EXOC6B: variants seen among roughly 807,000 people sequenced by gnomAD.
EXOC6B encodes exocyst complex component 6B.
A neutral mutation model predicts 113.5 loss-of-function variants in EXOC6B; 54 were observed. The observed-to-expected ratio is 0.48, with a 90% CI of 0.38 to 0.60. The LOEUF (loss-of-function observed/expected upper bound fraction) is 0.60, where lower values mean the gene tolerates loss of function less well. Among genes scored for constraint, EXOC6B ranks in the 20% least tolerant of loss-of-function variants. The pLI is 0.00. For missense variants in EXOC6B, 797 were observed against 977.5 expected (o/e 0.82, Z 2.46); for synonymous variants, 357 against 339.0 (o/e 1.05, Z -0.58).
intron 2 of EXOC6B, among the ~76,000 whole-genome samples, chr2:72,736,326 C>T (rs1303705888): frequency 1.3e-5 from 2 of 151,824 alleles, no homozygotes; most frequent in South Asian, 2.1e-4. Flanking sequence ...TCTTAGAGTA[C>T]GATTTCTTTT....
At chr2:72,456,575 A>G (rs997027124) in intron 18 of EXOC6B, among the ~76,000 whole-genome samples, 8 of 152,174 alleles carry the variant, frequency 5.3e-5, no homozygotes, top group Non-Finnish European at 8.8e-5. Context: ...TTTTAAGTCA[A>G]ATAAATTTGT....
chr2:72,470,850 T>C (rs1221521668), intron 17 of EXOC6B, among the ~76,000 whole-genome samples: 1 of 152,184 alleles, frequency 6.6e-6, no homozygotes, highest in Non-Finnish European at 1.5e-5. Flanking sequence ...CCAACTTTTC[T>C]TGATCCAGTC....
intron 1 of EXOC6B, among the ~76,000 whole-genome samples, chr2:72,791,331 C>T (rs1434905346): frequency 6.6e-6 from 1 of 152,118 alleles, no homozygotes; most frequent in Non-Finnish European, 1.5e-5. Flanking sequence ...ACCACTTGAG[C>T]TGTGGAGTTC....
chr2:72,263,201 T>A (rs1375398164), intron 20 of EXOC6B: 1 of 152,142 alleles, frequency 6.6e-6, no homozygotes, highest in Non-Finnish European at 1.5e-5. Context: ...AGGTTAACAA[T>A]AGGATAGTAG....
chr2:72,450,859 A>G (rs1365077190), intron 18 of EXOC6B, among the ~76,000 whole-genome samples: 1 of 152,206 alleles, frequency 6.6e-6, no homozygotes, highest in African/African-American at 2.4e-5. Flanking sequence ...TTGAAGCCAT[A>G]AACCTTATGC....
chr2:72,241,958 G>T (rs1241645912), intron 20 of EXOC6B, among the ~76,000 whole-genome samples: 1 of 152,122 alleles, frequency 6.6e-6, no homozygotes, highest in Non-Finnish European at 1.5e-5. Flanking sequence ...TGTAATCCCA[G>T]CACTTTGGGA....
chr2:72,386,235 A>C lies in EXOC6B; in HGVS notation c.1981-6365T>G, dbSNP rs534498444. 3.5e-4 allele frequency among the ~76,000 whole-genome samples: 54 copies of C among 152,276 alleles called. No individual in the cohort carries two copies. The South Asian group carries it at 0.011, about 32-fold the overall frequency. On this transcript the variant is annotated intron_variant, in intron 18 of 21. Transcript: ENST00000272427. ...AGCAAAAAAAAAAATGATGTAAAAC[A>C]GGAACTTATATTTAAAAGAGAAGCA...
intron 20 of EXOC6B, among the ~76,000 whole-genome samples, chr2:72,305,510 T>C (rs1686801657): frequency 6.6e-6 from 1 of 152,118 alleles, no homozygotes; most frequent in South Asian, 2.1e-4. Context: ...TAAAATTGTA[T>C]AATCAAATTA....
intron 17 of EXOC6B, among the ~76,000 whole-genome samples, chr2:72,479,951 C>A (rs988743495): frequency 6.6e-6 from 1 of 151,996 alleles, no homozygotes; most frequent in African/African-American, 2.4e-5. Flanking sequence ...GCCCGCAATC[C>A]CAGCATTTTG....
At chr2:72,362,069 G>C (rs1005633749) in intron 19 of EXOC6B, among the ~76,000 whole-genome samples, 2 of 152,180 alleles carry the variant, frequency 1.3e-5, no homozygotes, top group African/African-American at 4.8e-5. Context: ...GGTTATTATG[G>C]TAAGAATGGT....
At chr2:72,736,033 A>T (rs1038720265) in intron 2 of EXOC6B, among the ~76,000 whole-genome samples, 3 of 151,866 alleles carry the variant, frequency 2.0e-5, no homozygotes, top group African/African-American at 7.3e-5. Flanking sequence ...AAATACAAAA[A>T]TTAGCTGGGC....
At chr2:72,234,083 CTTTT>C (rs34660222) in intron 20 of EXOC6B, among the ~76,000 whole-genome samples, 3 of 131,910 alleles carry the variant, frequency 2.3e-5, no homozygotes, top group African/African-American at 8.9e-5. Flanking sequence ...TGGACCGCCT[CTTTT>C]TTTTTTTTTT....
At chr2:72,592,918 G>C (rs1400703692) in intron 6 of EXOC6B, among the ~76,000 whole-genome samples, 2 of 152,114 alleles carry the variant, frequency 1.3e-5, no homozygotes, top group Non-Finnish European at 2.9e-5. Context: ...CTGGTTACTA[G>C]AGGAATCAAC....
chr2:72,515,145 A>G lies in EXOC6B; in HGVS notation c.916-19T>C. ...GGGCACCCTGTAAATAAAGAAAAGA[A>G]AATGGGTTGACACAATTGGACCAAT... is the stretch of plus-strand genomic sequence containing the variant. On this transcript the variant is annotated intron_variant, in intron 8 of 21. Transcript: ENST00000272427. 6.3e-7 allele frequency: 1 copy of G among 1,575,930 alleles called. No individual in the cohort carries two copies. Among genetic ancestry groups the G allele is most frequent in the South Asian group, 1.2e-5 (1 of 85,934 alleles).
intron 10 of EXOC6B, 74 bp from the exon 11 acceptor site, chr2:72,513,326 C>T (rs966718550): frequency 3.2e-6 from 5 of 1,540,818 alleles, no homozygotes; most frequent in Non-Finnish European, 4.4e-6. Context: ...GTTTGACAAG[C>T]ATTAAGAGAT....
chr2:72,414,450 G>A (rs1427634169), intron 18 of EXOC6B, among the ~76,000 whole-genome samples: 2 of 151,450 alleles, frequency 1.3e-5, no homozygotes, highest in Non-Finnish European at 2.9e-5. Context: ...TATCCACAAC[G>A]GAAAAAAAAA....
chr2:72,185,874 T>C (rs1678398337), intron 20 of EXOC6B, among the ~76,000 whole-genome samples: 2 of 152,096 alleles, frequency 1.3e-5, no homozygotes, highest in Admixed American at 6.6e-5. Flanking sequence ...GTATATCTCC[T>C]AATGCTATCC....
intron 20 of EXOC6B, among the ~76,000 whole-genome samples, chr2:72,279,316 C>G (rs1026484462): frequency 1.3e-5 from 2 of 152,158 alleles, no homozygotes; most frequent in Admixed American, 6.5e-5. Context: ...GCTAGGCCTT[C>G]TGGAGTTACA....
chr2:72,362,399 T>G (rs1431987690), intron 19 of EXOC6B, among the ~76,000 whole-genome samples: 1 of 152,098 alleles, frequency 6.6e-6, no homozygotes, highest in Admixed American at 6.6e-5. Context: ...TGTTTAACAT[T>G]GTAGACCATA....
Sources: allele counts gnomAD v4.1 joint callset (sites outside exome capture counted in the v4.1 genomes callset), GRCh38; gene constraint gnomAD v4.1.1; transcripts MANE v1.5; gene names NCBI Gene and HGNC (gene_info 2026-07-23, HGNC 2026-07-21).